The following KSR2 variants were observed in gnomAD, a reference collection of about 807,000 sequenced individuals.
KSR2 encodes the protein kinase suppressor of ras 2.
KSR2 carries 25 observed loss-of-function variants against 107.8 expected under a neutral mutation model. The ratio of observed to expected loss-of-function variants is 0.23; its 90% CI spans 0.17 to 0.32. The LOEUF is 0.32. Among genes scored for constraint, KSR2 ranks in the 10% least tolerant of loss-of-function variants. KSR2 has a pLI of 1.00. For missense variants in KSR2, 887 were observed against 1,268.9 expected, an observed-to-expected ratio of 0.70 and a Z score of 4.57; for synonymous variants, 480 against 507.0, an observed-to-expected ratio of 0.95 and a Z score of 0.71.
At chr12:117,709,944 G>C (rs935682322) in intron 4 of KSR2, among the ~76,000 whole-genome samples, 2 of 129,516 alleles carry the variant, frequency 1.5e-5, no homozygotes, top group African/African-American at 5.8e-5. Context: ...GAGATACTAA[G>C]CGCACTTGAT....
chr12:117,549,188 G>A (rs1270608095), intron 9 of KSR2, among the ~76,000 whole-genome samples: 2 of 152,206 alleles, frequency 1.3e-5, no homozygotes, highest in Admixed American at 6.5e-5. Context: ...ACATATTAGT[G>A]TAAGGAATAA....
At chr12:117,561,401 C>T (rs915703790) in intron 7 of KSR2, among the ~76,000 whole-genome samples, 3 of 152,184 alleles carry the variant, frequency 2.0e-5, no homozygotes, top group Admixed American at 6.5e-5. Flanking sequence ...GAGTGCTTTA[C>T]ATCATTCATT....
Position 117,529,245 on chromosome 12 carries a change from C to A in KSR2, c.1802+1696G>T, listed in dbSNP as rs148711953. ...CACTTTTTTCTTCTTTAGACAGAGT[C>A]TCCCTCTGTTGCCCAGGCTGGGGTG... On this transcript the variant is annotated intron_variant, in intron 12 of 19. Coordinates refer to ENST00000339824, the MANE Select transcript of KSR2 (RefSeq NM_173598.6). Among the ~76,000 whole-genome samples, 1,150 of 152,322 alleles carry A rather than the reference C, an allele frequency of 7.5e-3. 22 individuals are homozygous for A. The highest frequency in any genetic ancestry group is 0.026 in the African/African-American group (1,084 of 41,572).
intron 4 of KSR2, among the ~76,000 whole-genome samples, chr12:117,711,863 G>T (rs927508381): frequency 5.3e-5 from 8 of 152,208 alleles, no homozygotes; most frequent in Non-Finnish European, 1.0e-4. Context: ...CTGTGGTTGG[G>T]TTGTGCCATG....
At chr12:117,824,889 AC>A (rs1203962529) in intron 3 of KSR2, among the ~76,000 whole-genome samples, 3 of 150,048 alleles carry the variant, frequency 2.0e-5, no homozygotes, top group African/African-American at 7.4e-5. Flanking sequence ...TAAACAAAGT[AC>A]CTGACAAAGC....
chr12:117,692,549 C>CCT (rs1555228376), intron 4 of KSR2, among the ~76,000 whole-genome samples: 1 of 124,472 alleles, frequency 8.0e-6, no homozygotes, highest in Non-Finnish European at 1.7e-5. Flanking sequence ...TATACACATA[C>CCT]ATATATATAT....
chr12:117,474,579 C>T (rs1474934816), intron 17 of KSR2, among the ~76,000 whole-genome samples: 1 of 152,140 alleles, frequency 6.6e-6, no homozygotes, highest in Non-Finnish European at 1.5e-5. Flanking sequence ...CTTGCAACCA[C>T]ATGTGGACAA....
At chr12:117,486,318 C>A (rs1872459830) in intron 14 of KSR2, among the ~76,000 whole-genome samples, 1 of 152,176 alleles carries the variant, frequency 6.6e-6, no homozygotes, top group Admixed American at 6.5e-5. Flanking sequence ...TGAAAAAGGA[C>A]ATTATGCACT....
At position 117,876,765 on chromosome 12, in the gene KSR2, TTA is replaced by T. The variant is rs753903473; in HGVS notation, c.181-16336_181-16335del. 4.0e-5 allele frequency among the ~76,000 whole-genome samples: 6 copies of T among 148,672 alleles called. No homozygotes were observed. The East Asian group carries it at 7.8e-4, about 19-fold the overall frequency. On this transcript the variant is annotated intron_variant, in intron 1 of 19. Transcript: ENST00000339824. ...ATAATATAATTTGAAATATATATATTTATATATATATAACAATATTTATATTA... is the reference window on the plus strand; with the variant it reads ...ATAATATAATTTGAAATATATATATTTATATATATAACAATATTTATATTA...
intron 5 of KSR2, among the ~76,000 whole-genome samples, chr12:117,587,512 C>A (rs1565914106): frequency 1.3e-5 from 2 of 152,262 alleles, no homozygotes; most frequent in African/African-American, 4.8e-5. Context: ...TGATCTTAAT[C>A]CCATTGGCAT....
chr12:117,804,961 A>C (rs1162325656), intron 3 of KSR2, among the ~76,000 whole-genome samples: 1 of 152,194 alleles, frequency 6.6e-6, no homozygotes, highest in Non-Finnish European at 1.5e-5. Context: ...TGCTGCCCAG[A>C]GCCCACTCAG....
intron 3 of KSR2, among the ~76,000 whole-genome samples, chr12:117,852,948 T>C (rs1054684682): frequency 2.0e-5 from 3 of 152,162 alleles, no homozygotes; most frequent in African/African-American, 4.8e-5. Flanking sequence ...ATTACAGGCA[T>C]GCGCCACCAA....
intron 3 of KSR2, among the ~76,000 whole-genome samples, chr12:117,824,021 T>C (rs1370637957): frequency 1.3e-5 from 2 of 152,102 alleles, no homozygotes; most frequent in Admixed American, 6.6e-5. Flanking sequence ...AATGGATGAA[T>C]AGGTAAAGAA....
Position 117,877,087 on chromosome 12 carries a change from C to T in KSR2, c.181-16656G>A, listed in dbSNP as rs540100943. Among the ~76,000 whole-genome samples the T allele has an allele frequency of 1.1e-4, 17 of 152,120 alleles. No homozygotes were observed. In the South Asian group the frequency reaches 3.1e-3, roughly 28 times the overall value. ...TGTCATGCCAGTGCTCAAAAGTTTC[C>T]GATTATTGGGAGGCCAAGGCAGGTG... On this transcript the variant is annotated intron_variant, in intron 1 of 19. Transcript: ENST00000339824.
chr12:117,506,188 G>A (rs1873665376), intron 14 of KSR2, among the ~76,000 whole-genome samples: 2 of 152,110 alleles, frequency 1.3e-5, no homozygotes, highest in South Asian at 2.1e-4. Flanking sequence ...CTTCAAAGTC[G>A]ATACACATGT....
chr12:117,788,065 C>T (rs1269279052), intron 3 of KSR2, among the ~76,000 whole-genome samples: 1 of 152,226 alleles, frequency 6.6e-6, no homozygotes, highest in Non-Finnish European at 1.5e-5. Context: ...GGAGAATGAA[C>T]AGCTGTCTTC....
At chr12:117,768,508 C>T (rs768743237) in intron 3 of KSR2, among the ~76,000 whole-genome samples, 10 of 152,154 alleles carry the variant, frequency 6.6e-5, no homozygotes, top group Admixed American at 2.0e-4. Context: ...TGTGGGCATC[C>T]GTCCTTGCGG....
At chr12:117,709,419 G>A (rs1473622501) in intron 4 of KSR2, among the ~76,000 whole-genome samples, 1 of 152,080 alleles carries the variant, frequency 6.6e-6, no homozygotes, top group Non-Finnish European at 1.5e-5. Flanking sequence ...CTACTCCCGG[G>A]CTCAAGTGAT....
chr12:117,818,035 A>C (rs1891435053), intron 3 of KSR2, among the ~76,000 whole-genome samples: 1 of 152,068 alleles, frequency 6.6e-6, no homozygotes, highest in Non-Finnish European at 1.5e-5. Context: ...CAGGAGACAG[A>C]GGTTGCAGTG....
Sources: gnomAD v4.1 joint callset for allele counts (sites outside exome capture counted in the v4.1 genomes callset) on GRCh38, gnomAD v4.1.1 for gene constraint, MANE v1.5 for transcripts, NCBI Gene and HGNC (gene_info 2026-07-23, HGNC 2026-07-21) for gene names.